The following SYNE2 variants were observed in gnomAD, a reference collection of about 807,000 sequenced individuals.
SYNE2 encodes the protein nesprin-2.
Under a neutral mutation model 856.3 loss-of-function variants are expected in SYNE2, and 431 were observed. The ratio of observed to expected loss-of-function variants is 0.50; its 90% CI spans 0.47 to 0.55. The LOEUF is 0.55. Ranked by LOEUF, SYNE2 falls within the 20% of genes least tolerant of loss-of-function variation. The probability of loss-of-function intolerance (pLI) is 0.00; values close to 1 mark genes in which losing one functional copy is unlikely to be tolerated. For synonymous variants in SYNE2, 2,923 were observed against 2,872.3 expected (o/e 1.02, Z -0.56); for missense variants, 8,129 against 8,023.2 (o/e 1.01, Z -0.50).
intron 44 of SYNE2, 81 bp from the exon 45 acceptor site, chr14:64,030,935 A>G: frequency 9.8e-7 from 1 of 1,022,488 alleles, no homozygotes; most frequent in South Asian, 1.3e-5. Flanking sequence ...TGGTGAAGCA[A>G]GAGTACTCTG....
chr14:64,024,813 A>AT, intron 39 of SYNE2, 99 bp from the exon 40 acceptor site: 1 of 1,261,748 alleles, frequency 7.9e-7, no homozygotes, highest in East Asian at 2.4e-5. Context: ...CAAACATATT[A>AT]TAAAAACCTG....
At chr14:63,924,472 T>C (rs996391962) in intron 2 of SYNE2, among the ~76,000 whole-genome samples, 3 of 152,222 alleles carry the variant, frequency 2.0e-5, no homozygotes, top group African/African-American at 7.2e-5. Context: ...CTTAACAATA[T>C]TAAGTATTCT....
chr14:64,171,804 C>G (rs1313233860), intron 94 of SYNE2, among the ~76,000 whole-genome samples: 1 of 152,054 alleles, frequency 6.6e-6, no homozygotes, highest in East Asian at 1.9e-4. Context: ...AACCAGGGAG[C>G]CTTTGAAGCA....
intron 20 of SYNE2, 71 bp from the exon 21 acceptor site, chr14:63,990,871 A>C: frequency 7.9e-7 from 1 of 1,261,576 alleles, no homozygotes; most frequent in South Asian, 1.2e-5. Context: ...AAAATAACAA[A>C]GTATTTGTTA....
chr14:63,875,887 A>G (rs769014119), intron 1 of SYNE2, among the ~76,000 whole-genome samples: 21 of 152,148 alleles, frequency 1.4e-4, no homozygotes, highest in Non-Finnish European at 2.2e-4. Flanking sequence ...CAGTTCTTCA[A>G]GGTTCCCAGA....
rs1033103076 is a variant in SYNE2, at chr14:64,102,527, T to A, written c.12492+485T>A. The stretch of plus-strand genomic sequence containing the variant: ...TTTTTTTTTTTTTTTTTTTTTTTTT[T>A]AGCTGACAACCATTGTATATATTTA... On this transcript the variant is annotated intron_variant, in intron 64 of 115. Coordinates refer to ENST00000555002, the MANE Select transcript of SYNE2 (RefSeq NM_182914.3). 3.2e-3 allele frequency among the ~76,000 whole-genome samples: 459 copies of A among 145,346 alleles called. 2 individuals are homozygous for A. The highest frequency in any genetic ancestry group is 7.0e-3 in the Middle Eastern group (2 of 286).
In SYNE2 at chr14:64,049,429, AAAT is replaced by A. The variant is rs71444641; in HGVS notation, c.7378-154_7378-152del. 173 of 169,648 alleles carry A rather than the reference AAAT, an allele frequency of 1.0e-3. 1 individual carries two copies. Among genetic ancestry groups the A allele is most frequent in the Middle Eastern group, 5.1e-3 (2 of 396 alleles). The allele number at this position is 169,648 out of a possible 1,614,324, so 10.5% of individuals were successfully genotyped here. A position where few individuals can be genotyped will look rare whatever the true frequency, so the allele number is the denominator to read the frequency against. ...ACCCTGCACTCCAGCCTGGGTGACA[AAAT>A]AATAATAATAATAATAATAATAATA... On this transcript the variant is annotated intron_variant, in intron 46 of 115. Transcript: ENST00000555002.
At chr14:64,209,774 C>A in intron 102 of SYNE2, 168 bp from the exon 103 acceptor site, 2 of 1,145,036 alleles carry the variant, frequency 1.7e-6, no homozygotes, top group Non-Finnish European at 2.5e-6. Flanking sequence ...ATGTAATGAA[C>A]TTGAAAGCCT....
rs563004487 is a variant in SYNE2, at chr14:64,188,090, G to A, written c.17713-460G>A. Reference sequence around the variant, plus strand: ...AGCATAACACTAAGGACATTTAAACGGCTGTAGTTTTCCTGGTCCATTTGC... The same window carrying A: ...AGCATAACACTAAGGACATTTAAACAGCTGTAGTTTTCCTGGTCCATTTGC... On this transcript the variant is annotated intron_variant, in intron 97 of 115. Coordinates refer to ENST00000555002, the MANE Select transcript of SYNE2 (RefSeq NM_182914.3). Among the ~76,000 whole-genome samples, 8 of 152,252 alleles carry A rather than the reference G, an allele frequency of 5.3e-5. No homozygotes were observed. The South Asian group carries it at 1.5e-3, about 28-fold the overall frequency.
At chr14:64,223,124 C>A in intron 112 of SYNE2, 65 bp from the exon 113 acceptor site, 1 of 1,585,718 alleles carries the variant, frequency 6.3e-7, no homozygotes, top group Non-Finnish European at 8.6e-7. Flanking sequence ...TGAGAAAAAC[C>A]TCCTGTGTCC....
Position 64,226,190 on chromosome 14 carries a change from A to T in SYNE2, c.*664A>T, listed in dbSNP as rs946009430. ...TAATGTAAACTTCGATTTTTTTTTA[A>T]AAAAATTAGATTTTAGCTGGAGCTT... On this transcript the variant is annotated 3_prime_UTR_variant, in exon 116 of 116. Coordinates refer to ENST00000555002, the MANE Select transcript of SYNE2 (RefSeq NM_182914.3). 1.3e-5 allele frequency: 2 copies of T among 152,664 alleles called. No individual in the cohort carries two copies. Among genetic ancestry groups the T allele is most frequent in the African/African-American group, 4.8e-5 (2 of 41,436 alleles). 9.5% of individuals were successfully genotyped at this position (152,664 alleles called of 1,614,324 possible).
At chr14:64,018,580 T>C (rs933484436) in intron 34 of SYNE2, among the ~76,000 whole-genome samples, 1 of 152,212 alleles carries the variant, frequency 6.6e-6, no homozygotes, top group South Asian at 2.1e-4. Flanking sequence ...GTAAATATTT[T>C]AGCCTTGTGG....
At chr14:64,146,446 TTGC>T in intron 84 of SYNE2, among the ~76,000 whole-genome samples, 1 of 152,352 alleles carries the variant, frequency 6.6e-6, no homozygotes, top group Non-Finnish European at 1.5e-5. Flanking sequence ...CGTTACAGTA[TTGC>T]TGCTCTTAAG....
Position 63,941,687 on chromosome 14 carries a change from T to G in SYNE2, c.142-8T>G, listed in dbSNP as rs369862605. On this transcript the variant is annotated splice_region_variant and splice_polypyrimidine_tract_variant and intron_variant, in intron 3 of 115. Coordinates refer to ENST00000555002, the MANE Select transcript of SYNE2 (RefSeq NM_182914.3). ...TTGAATGATTATTTTTCTTGTGACCTTCTGCAGCACACTTCTCCCTCAGTT... is the reference window on the plus strand; with the variant it reads ...TTGAATGATTATTTTTCTTGTGACCGTCTGCAGCACACTTCTCCCTCAGTT... The G allele has an allele frequency of 2.3e-5, 37 of 1,612,054 alleles. No individual in the cohort carries two copies. The highest frequency in any genetic ancestry group is 2.9e-5 in the Non-Finnish European group (34 of 1,178,310).
chr14:64,160,961 GAAAA>G (rs917481977), intron 87 of SYNE2, among the ~76,000 whole-genome samples: 1 of 150,272 alleles, frequency 6.7e-6, no homozygotes, highest in East Asian at 1.9e-4. Flanking sequence ...AGGAAACAAA[GAAAA>G]AAAAACCCAC....
At chr14:64,057,706 A>T (rs2097284027) in intron 49 of SYNE2, among the ~76,000 whole-genome samples, 1 of 152,240 alleles carries the variant, frequency 6.6e-6, no homozygotes, top group Admixed American at 6.5e-5. Flanking sequence ...ACAGTTCTCC[A>T]TAGTGGTTGT....
chr14:63,801,911 T>G (rs1174107179), intron 1 of SYNE2, among the ~76,000 whole-genome samples: 1 of 151,772 alleles, frequency 6.6e-6, no homozygotes. Context: ...AAGAAAAGGA[T>G]AATTCTATTT....
Position 64,101,967 on chromosome 14 carries a change from T to C in SYNE2, c.12417T>C (p.Ser4139=). ...GDEKAEPSPQ[S]WSSLWKHDKD... is the part of the protein sequence containing the mutation. ...AGAAGGCAGAGCCATCGCCTCAGTC[T>C]TGGTCTTCACTTTGGAAGCATGACA... Residue 4139 remains serine (S), a synonymous_variant, in exon 64 of 116, where the codon TCT becomes TCC. Transcript: ENST00000555002. 6.2e-7 allele frequency: 1 copy of C among 1,614,112 alleles called. No individual in the cohort carries two copies. The highest frequency in any genetic ancestry group is 8.5e-7 in the Non-Finnish European group (1 of 1,179,946).
At chr14:63,944,278 T>TTATATATA (rs71123818) in intron 6 of SYNE2, among the ~76,000 whole-genome samples, 2 of 144,052 alleles carry the variant, frequency 1.4e-5, no homozygotes, top group East Asian at 2.0e-4. Context: ...TTCTGAATTT[T>TTATATATA]TATATATATA....
Sources: gnomAD v4.1 joint callset for allele counts (sites outside exome capture counted in the v4.1 genomes callset) on GRCh38, gnomAD v4.1.1 for gene constraint, MANE v1.5 for transcripts, NCBI Gene and HGNC (gene_info 2026-07-23, HGNC 2026-07-21) for gene names.